The following CAMSAP1 variants were observed in gnomAD, a reference collection of about 807,000 sequenced individuals.
The protein encoded by CAMSAP1 is calmodulin-regulated spectrin-associated protein 1.
A neutral mutation model predicts 143.5 loss-of-function variants in CAMSAP1; 58 were observed. The ratio of observed to expected loss-of-function variants is 0.40; its 90% CI spans 0.33 to 0.50. The LOEUF (loss-of-function observed/expected upper bound fraction) is 0.50, where lower values mean the gene tolerates loss of function less well. Ranked by LOEUF, CAMSAP1 falls within the 20% of genes least tolerant of loss-of-function variation. The pLI, the probability that CAMSAP1 is intolerant of heterozygous loss-of-function variation, is 0.45. For missense variants in CAMSAP1, 1,969 were observed against 2,115.7 expected, an observed-to-expected ratio of 0.93 and a Z score of 1.36; for synonymous variants, 945 against 859.3, an observed-to-expected ratio of 1.10 and a Z score of -1.74.
At chr9:135,884,018 C>G (rs1430039582) in intron 1 of CAMSAP1, among the ~76,000 whole-genome samples, 1 of 152,218 alleles carries the variant, frequency 6.6e-6, no homozygotes. Context: ...CACTGTCTCA[C>G]AAGACATCAA....
At chr9:135,904,039 T>C (rs1005988193) in intron 1 of CAMSAP1, among the ~76,000 whole-genome samples, 3 of 152,176 alleles carry the variant, frequency 2.0e-5, no homozygotes, top group Non-Finnish European at 2.9e-5. Context: ...CTCTCCAACC[T>C]GTAAATTTAA....
intron 3 of CAMSAP1, among the ~76,000 whole-genome samples, chr9:135,880,289 CAGGTGAGA>C (rs1470606677): frequency 6.6e-6 from 1 of 152,130 alleles, no homozygotes; most frequent in East Asian, 1.9e-4. Context: ...TGCACGCCGC[CAGGTGAGA>C]GCCAGGGATG....
chr9:135,904,991 G>A (rs1387593333), intron 1 of CAMSAP1, among the ~76,000 whole-genome samples: 3 of 151,104 alleles, frequency 2.0e-5, no homozygotes, highest in South Asian at 2.1e-4. Context: ...GTGGAAACCA[G>A]ACCTCCTAAA....
chr9:135,876,723 A>T (rs1441376839), intron 3 of CAMSAP1, among the ~76,000 whole-genome samples: 1 of 152,154 alleles, frequency 6.6e-6, no homozygotes, highest in African/African-American at 2.4e-5. Context: ...AGAAATAAAA[A>T]TATTGCTGGG....
intron 7 of CAMSAP1, among the ~76,000 whole-genome samples, chr9:135,830,804 A>G (rs1285747422): frequency 1.3e-5 from 2 of 152,240 alleles, no homozygotes; most frequent in African/African-American, 4.8e-5. Flanking sequence ...TCATAAAACA[A>G]GTCTTAAAAT....
rs149870255 is a variant in CAMSAP1 at position 135,848,096 on chromosome 9, C to T, written c.1045+2041G>A. ...AAACGAATCTGAAAACAGGAGTCAG[C>T]AATAGCCTTGACTTAGGGCTAACCT... On this transcript the variant is annotated intron_variant, in intron 7 of 16. Transcript: ENST00000389532. Among the ~76,000 whole-genome samples the T allele has an allele frequency of 6.1e-4, 93 of 151,588 alleles. 2 individuals carry two copies. In the East Asian group the frequency reaches 0.018, roughly 29 times the overall value.
rs866377791 is a variant in CAMSAP1, at chr9:135,887,063, G to A, written c.161-3985C>T. The stretch of plus-strand genomic sequence containing the variant: ...AAGAGTAAAGGGACCAGCTGGAGAC[G>A]TGCTTTGGAACCCATTACATATACA... On this transcript the variant is annotated intron_variant, in intron 1 of 16. Transcript: ENST00000389532. Among the ~76,000 whole-genome samples the A allele has an allele frequency of 1.9e-4, 29 of 152,292 alleles. 1 individual carries two copies. Among genetic ancestry groups the A allele is most frequent in the Middle Eastern group, 6.8e-3 (2 of 294 alleles).
chr9:135,867,706 A>G (rs1837428676), intron 3 of CAMSAP1, among the ~76,000 whole-genome samples: 1 of 152,268 alleles, frequency 6.6e-6, no homozygotes, highest in African/African-American at 2.4e-5. Context: ...TAAACAGAGT[A>G]AATCAAACAT....
intron 1 of CAMSAP1, 120 bp downstream of exon 1, chr9:135,906,880 C>T (rs2131044228): frequency 3.6e-6 from 2 of 561,840 alleles, no homozygotes; most frequent in Non-Finnish European, 4.5e-6. Flanking sequence ...CAGCCCCGAC[C>T]CTGTGCGGAC....
In CAMSAP1 at chr9:135,808,490, A is replaced by C. The variant is rs1479039887; in HGVS notation, c.*2819T>G. 1 of 152,260 alleles carries C rather than the reference A, an allele frequency of 6.6e-6. No individual in the cohort carries two copies. Among genetic ancestry groups the C allele is most frequent in the Non-Finnish European group, 1.5e-5 (1 of 68,046 alleles). 9.4% of individuals were successfully genotyped at this position (152,260 alleles called of 1,614,324 possible). ...TTGTAAAACATTCTCCAAGTGATGA[A>C]TTTTTAACAGAAAATTTTATTTCAA... On this transcript the variant is annotated 3_prime_UTR_variant, in exon 17 of 17. Coordinates refer to ENST00000389532, the MANE Select transcript of CAMSAP1 (RefSeq NM_015447.4).
At chr9:135,881,487 G>A in intron 3 of CAMSAP1, 146 bp downstream of exon 3, 1 of 904,844 alleles carries the variant, frequency 1.1e-6, no homozygotes, top group Non-Finnish European at 1.7e-6. Flanking sequence ...TTTAACTACA[G>A]CAGACACATT....
intron 3 of CAMSAP1, among the ~76,000 whole-genome samples, chr9:135,873,551 GA>G (rs1837634633): frequency 6.6e-6 from 1 of 152,042 alleles, no homozygotes; most frequent in African/African-American, 2.4e-5. Context: ...TCAAGGTAAA[GA>G]AAAATGAAAG....
At chr9:135,900,537 T>C (rs769190044) in intron 1 of CAMSAP1, among the ~76,000 whole-genome samples, 5 of 151,390 alleles carry the variant, frequency 3.3e-5, no homozygotes, top group Non-Finnish European at 7.4e-5. Context: ...ATTAAAACAA[T>C]ACAAAAAATT....
Position 135,811,819 on chromosome 9 carries a change from A to C in CAMSAP1, c.4507-208T>G, listed in dbSNP as rs980112074. Among the ~76,000 whole-genome samples, 1 of 152,248 alleles carries C rather than the reference A, an allele frequency of 6.6e-6. No homozygotes were observed. The highest frequency in any genetic ancestry group is 1.5e-5 in the Non-Finnish European group (1 of 68,046). ...GAGACTTTACTTAAGAAGTCTAAGCAAGCAAGGGGGAAAAGAATGCTTTTA... is the reference window on the plus strand; with the variant it reads ...GAGACTTTACTTAAGAAGTCTAAGCCAGCAAGGGGGAAAAGAATGCTTTTA... On this transcript the variant is annotated intron_variant, in intron 16 of 16. Coordinates refer to ENST00000389532, the MANE Select transcript of CAMSAP1 (RefSeq NM_015447.4). The surrounding 1 kb of genome is among the most constrained non-coding windows in gnomAD (Gnocchi z 4.9).
rs572512781 is a variant in CAMSAP1 at position 135,824,038 on chromosome 9, C to A, written c.1316-4G>T. 5.6e-5 allele frequency: 88 copies of A among 1,574,778 alleles called. No individual in the cohort carries two copies. In the South Asian group the frequency reaches 1.0e-3, roughly 18 times the overall value. On this transcript the variant is annotated splice_region_variant and splice_polypyrimidine_tract_variant and intron_variant, in intron 9 of 16. Coordinates refer to ENST00000389532, the MANE Select transcript of CAMSAP1 (RefSeq NM_015447.4). The surrounding 1 kb of genome is among the most constrained non-coding windows in gnomAD (Gnocchi z 4.1). The stretch of plus-strand genomic sequence containing the variant: ...GAATTCGATCGATGTCGCTGATCTG[C>A]AGTACAGAGGAATTAGATAGTGTTA...
chr9:135,833,376 C>A (rs1045719039), intron 7 of CAMSAP1, among the ~76,000 whole-genome samples: 1 of 152,130 alleles, frequency 6.6e-6, no homozygotes, highest in Non-Finnish European at 1.5e-5. Flanking sequence ...CCACCGCGCC[C>A]GGCCAGTAAT....
Position 135,818,193 on chromosome 9 carries a change from G to A in CAMSAP1, c.4169-114C>T, listed in dbSNP as rs879147995. 1.2e-5 allele frequency: 14 copies of A among 1,216,842 alleles called. No homozygotes were observed. The South Asian group carries it at 1.3e-4, about 11-fold the overall frequency. 75.4% of individuals were successfully genotyped at this position (1,216,842 alleles called of 1,614,324 possible). On this transcript the variant is annotated intron_variant, in intron 13 of 16. Transcript: ENST00000389532. This position sits in a 1 kb window ranked among gnomAD's most constrained non-coding sequence, Gnocchi z 7.7. The stretch of plus-strand genomic sequence containing the variant: ...TGCAGAGCTCGGCCACACAGGCCGC[G>A]TCCCCACCCCATCCCGGGGAGCCGG...
chr9:135,827,297 G>A (rs1270043402), intron 8 of CAMSAP1, 110 bp downstream of exon 8: 9 of 1,109,028 alleles, frequency 8.1e-6, no homozygotes, highest in East Asian at 2.8e-5. Context: ...TTTCATAAGC[G>A]AATACAAATT....
chr9:135,843,406 A>G (rs1322944132), intron 7 of CAMSAP1, among the ~76,000 whole-genome samples: 2 of 152,204 alleles, frequency 1.3e-5, no homozygotes, highest in Non-Finnish European at 2.9e-5. Flanking sequence ...CAGCAAACCC[A>G]TCTCATGTAC....
Sources: allele counts gnomAD v4.1 joint callset (sites outside exome capture counted in the v4.1 genomes callset), GRCh38; gene constraint gnomAD v4.1.1; non-coding constraint Gnocchi (gnomAD v3.1); transcripts MANE v1.5; gene names NCBI Gene and HGNC (gene_info 2026-07-23, HGNC 2026-07-21).